The following AGPAT4 variants were observed in gnomAD, a reference collection of about 807,000 sequenced individuals.
AGPAT4 encodes 1-acyl-sn-glycerol-3-phosphate acyltransferase delta.
AGPAT4 carries 15 observed loss-of-function variants against 48.0 expected under a neutral mutation model. The observed-to-expected ratio is 0.31, with a 90% CI of 0.21 to 0.48. The LOEUF is 0.48. Ranked by LOEUF, AGPAT4 falls within the 20% of genes least tolerant of loss-of-function variation. AGPAT4 has a pLI of 0.99. For missense variants in AGPAT4, 314 were observed against 482.5 expected (o/e 0.65, Z 3.27); for synonymous variants, 178 against 198.7 (o/e 0.90, Z 0.88).
In AGPAT4 at chr6:161,201,721, G is replaced by A. The variant is rs1781244550; in HGVS notation, c.178+30315C>T. 6.6e-6 allele frequency among the ~76,000 whole-genome samples: 1 copy of A among 152,174 alleles called. No homozygotes were observed. Among genetic ancestry groups the A allele is most frequent in the Non-Finnish European group, 1.5e-5 (1 of 68,036 alleles). On this transcript the variant is annotated intron_variant, in intron 2 of 8. Transcript: ENST00000320285. The surrounding 1 kb of genome is among the most constrained non-coding windows in gnomAD (Gnocchi z 6.0). ...GCTGAGGCTGACTTCAAAAGATAGGGGTAGGTAAATTACTGTGGCCCAACT... is the reference window on the plus strand; with the variant it reads ...GCTGAGGCTGACTTCAAAAGATAGGAGTAGGTAAATTACTGTGGCCCAACT...
chr6:161,233,157 C>A lies in AGPAT4; in HGVS notation c.-89-855G>T, dbSNP rs1782175127. Among the ~76,000 whole-genome samples the A allele has an allele frequency of 4.6e-5, 7 of 150,584 alleles. No homozygotes were observed. In the South Asian group the frequency reaches 1.5e-3, roughly 32 times the overall value. ...CACACACACACACAGATACACACAT[C>A]CTTAAGTGTTCTCAAATCAGAAAGA... On this transcript the variant is annotated intron_variant, in intron 1 of 8. Transcript: ENST00000320285. The surrounding 1 kb of genome is among the most constrained non-coding windows in gnomAD (Gnocchi z 5.4).
chr6:161,178,343 C>G lies in AGPAT4; in HGVS notation c.179-11926G>C, dbSNP rs547144709. 4.6e-5 allele frequency among the ~76,000 whole-genome samples: 7 copies of G among 152,358 alleles called. No individual in the cohort carries two copies. Among genetic ancestry groups the G allele is most frequent in the Middle Eastern group, 3.4e-3 (1 of 294 alleles). ...CAAGCCTCAGCAATGGCGGATGCCCCTCCCCGAACCTCGCTGCCGCCTTGC... is the reference window on the plus strand; with the variant it reads ...CAAGCCTCAGCAATGGCGGATGCCCGTCCCCGAACCTCGCTGCCGCCTTGC... On this transcript the variant is annotated intron_variant, in intron 2 of 8. Coordinates refer to ENST00000320285, the MANE Select transcript of AGPAT4 (RefSeq NM_020133.3). This position sits in a 1 kb window ranked among gnomAD's most constrained non-coding sequence, Gnocchi z 5.1.
chr6:161,141,427 G>A lies in AGPAT4; in HGVS notation c.844-1807C>T, dbSNP rs1313873553. On this transcript the variant is annotated intron_variant, in intron 7 of 8. Transcript: ENST00000320285. This position sits in a 1 kb window ranked among gnomAD's most constrained non-coding sequence, Gnocchi z 6.7. ...AAGGAGGTGAGCACCATGACGGTCAGCAGCACAGGCAATGCCCAGAGAGGT... is the reference window on the plus strand; with the variant it reads ...AAGGAGGTGAGCACCATGACGGTCAACAGCACAGGCAATGCCCAGAGAGGT... 1.3e-5 allele frequency among the ~76,000 whole-genome samples: 2 copies of A among 152,140 alleles called. No homozygotes were observed.
At chr6:161,247,634 T>C (rs1782690640) in intron 1 of AGPAT4, among the ~76,000 whole-genome samples, 1 of 152,156 alleles carries the variant, frequency 6.6e-6, no homozygotes, top group Non-Finnish European at 1.5e-5. Flanking sequence ...GCATTCCCCC[T>C]GAAAACTGGC....
In AGPAT4 at chr6:161,139,053, T is replaced by C. The variant is rs1289933104; in HGVS notation, c.1042+369A>G. Among the ~76,000 whole-genome samples, 1 of 152,182 alleles carries C rather than the reference T, an allele frequency of 6.6e-6. No individual in the cohort carries two copies. The highest frequency in any genetic ancestry group is 1.5e-5 in the Non-Finnish European group (1 of 68,032). ...AGCTGCCCATCCGTCCCCGCCAGGC[T>C]CCAGCACAGGGCTTTCTTCAGAAGC... On this transcript the variant is annotated intron_variant, in intron 8 of 8. Coordinates refer to ENST00000320285, the MANE Select transcript of AGPAT4 (RefSeq NM_020133.3). The surrounding 1 kb of genome is among the most constrained non-coding windows in gnomAD (Gnocchi z 9.1).
rs1782622042 is a variant in AGPAT4, at chr6:161,245,473, A to G, written c.-89-13171T>C. 6.6e-6 allele frequency among the ~76,000 whole-genome samples: 1 copy of G among 152,198 alleles called. No homozygotes were observed. Among genetic ancestry groups the G allele is most frequent in the Admixed American group, 6.5e-5 (1 of 15,284 alleles). Reference sequence around the variant, plus strand: ...GATTCATGGAAACTAACGTGGCATTAAGCACCCTAGAGGGATCGCCAGGAG... The same window carrying G: ...GATTCATGGAAACTAACGTGGCATTGAGCACCCTAGAGGGATCGCCAGGAG... On this transcript the variant is annotated intron_variant, in intron 1 of 8. Coordinates refer to ENST00000320285, the MANE Select transcript of AGPAT4 (RefSeq NM_020133.3). This position sits in a 1 kb window ranked among gnomAD's most constrained non-coding sequence, Gnocchi z 5.2.
rs1015088373 is a variant in AGPAT4 at position 161,143,227 on chromosome 6, T to G, written c.843+3297A>C. On this transcript the variant is annotated intron_variant, in intron 7 of 8. Transcript: ENST00000320285. The surrounding 1 kb of genome is among the most constrained non-coding windows in gnomAD (Gnocchi z 4.7). ...AGCTGGGACTACAGGTGTGTACCGC[T>G]AGGTGCAGCTAGTTTGTAAAATTTT... Among the ~76,000 whole-genome samples, 1 of 152,148 alleles carries G rather than the reference T, an allele frequency of 6.6e-6. No homozygotes were observed. The highest frequency in any genetic ancestry group is 2.4e-5 in the African/African-American group (1 of 41,422).
Position 161,233,352 on chromosome 6 carries a change from T to A in AGPAT4, c.-89-1050A>T, listed in dbSNP as rs1466403868. 1.3e-5 allele frequency among the ~76,000 whole-genome samples: 2 copies of A among 152,320 alleles called. No individual in the cohort carries two copies. The highest frequency in any genetic ancestry group is 3.9e-4 in the East Asian group (2 of 5,190). ...GGAAAGCTGTGAGCAGCGGACTCGC[T>A]TTTCCTGGAAGCAGAAGAGCCTGGC... is the stretch of plus-strand genomic sequence containing the variant. On this transcript the variant is annotated intron_variant, in intron 1 of 8. Transcript: ENST00000320285. The surrounding 1 kb of genome is among the most constrained non-coding windows in gnomAD (Gnocchi z 5.4).
Position 161,139,388 on chromosome 6 carries a change from G to T in AGPAT4, c.1042+34C>A, listed in dbSNP as rs778733418. 1 of 1,609,860 alleles carries T rather than the reference G, an allele frequency of 6.2e-7. No individual in the cohort carries two copies. Among genetic ancestry groups the T allele is most frequent in the Admixed American group, 1.7e-5 (1 of 59,910 alleles). On this transcript the variant is annotated intron_variant, in intron 8 of 8. Coordinates refer to ENST00000320285, the MANE Select transcript of AGPAT4 (RefSeq NM_020133.3). The surrounding 1 kb of genome is among the most constrained non-coding windows in gnomAD (Gnocchi z 9.1). ...ATGCCACCTCTCCCAGGGTGGTGCT[G>T]TCAGCACCCACCAGCCCCTTGCCCT...
intron 3 of AGPAT4, among the ~76,000 whole-genome samples, chr6:161,163,370 A>G (rs1245972612): frequency 1.3e-5 from 2 of 152,236 alleles, no homozygotes; most frequent in East Asian, 3.8e-4. Context: ...TGTGTTATTT[A>G]AGAAAAAACA....
chr6:161,253,146 G>A (rs1782849162), intron 1 of AGPAT4, among the ~76,000 whole-genome samples: 1 of 151,192 alleles, frequency 6.6e-6, no homozygotes, highest in Non-Finnish European at 1.5e-5. Flanking sequence ...CCCGGAGGTG[G>A]AGGTTGCAGT....
Position 161,217,823 on chromosome 6 carries a change from C to T in AGPAT4, c.178+14213G>A, listed in dbSNP as rs1333729495. Reference sequence around the variant, plus strand: ...CCCAGGCCACTGCCCTGGGACAGGACTCACAGGCAGCACAGCTGGTGCCTC... The same window carrying T: ...CCCAGGCCACTGCCCTGGGACAGGATTCACAGGCAGCACAGCTGGTGCCTC... On this transcript the variant is annotated intron_variant, in intron 2 of 8. Transcript: ENST00000320285. The surrounding 1 kb of genome is among the most constrained non-coding windows in gnomAD (Gnocchi z 4.9). 6.6e-6 allele frequency among the ~76,000 whole-genome samples: 1 copy of T among 152,126 alleles called. No individual in the cohort carries two copies. The highest frequency in any genetic ancestry group is 2.4e-5 in the African/African-American group (1 of 41,354).
chr6:161,162,933 C>T (rs929044756), intron 3 of AGPAT4, among the ~76,000 whole-genome samples: 1 of 152,200 alleles, frequency 6.6e-6, no homozygotes, highest in African/African-American at 2.4e-5. Context: ...ACCTTAGTGA[C>T]CTGTGCCCCA....
Position 161,243,958 on chromosome 6 carries a change from C to A in AGPAT4, c.-89-11656G>T, listed in dbSNP as rs1321617976. On this transcript the variant is annotated intron_variant, in intron 1 of 8. Transcript: ENST00000320285. This position sits in a 1 kb window ranked among gnomAD's most constrained non-coding sequence, Gnocchi z 4.8. ...ATTCCCAGCCCAGAGGAAGGCAGTT[C>A]AAAGTCATTGGTTTTGAGGCTCTCT... Among the ~76,000 whole-genome samples, 4 of 152,196 alleles carry A rather than the reference C, an allele frequency of 2.6e-5. No homozygotes were observed. The highest frequency in any genetic ancestry group is 5.9e-5 in the Non-Finnish European group (4 of 68,040).
In AGPAT4 at chr6:161,131,808, A is replaced by G. The variant is rs1778908937; in HGVS notation, c.*4732T>C. 6.6e-6 allele frequency: 1 copy of G among 152,254 alleles called. No homozygotes were observed. The highest frequency in any genetic ancestry group is 1.5e-5 in the Non-Finnish European group (1 of 68,046). The allele number at this position is 152,254 out of a possible 1,614,324, so 9.4% of individuals were successfully genotyped here. A position where few individuals can be genotyped will look rare whatever the true frequency, so the allele number is the denominator to read the frequency against. The stretch of plus-strand genomic sequence containing the variant: ...GTCCTGGACCAAGAGGAACAGCAAC[A>G]TGTCCTTAGTCCTCAGCCTAAGAAG... On this transcript the variant is annotated 3_prime_UTR_variant, in exon 9 of 9. Transcript: ENST00000320285.
At chr6:161,207,649 G>A (rs1313159707) in intron 2 of AGPAT4, among the ~76,000 whole-genome samples, 2 of 152,138 alleles carry the variant, frequency 1.3e-5, no homozygotes, top group Middle Eastern at 3.2e-3. Flanking sequence ...GTAAACCACC[G>A]CCATAAAAAG....
rs1030312677 is a variant in AGPAT4 at position 161,272,302 on chromosome 6, G to A, written c.-90+1636C>T. On this transcript the variant is annotated intron_variant, in intron 1 of 8. Transcript: ENST00000320285. The surrounding 1 kb of genome is among the most constrained non-coding windows in gnomAD (Gnocchi z 4.2). Reference sequence around the variant, plus strand: ...AGTAATGATTTTGGCTTTAGCAGCCGGAAGGTATGAGGGCTAAGTGACCTT... The same window carrying A: ...AGTAATGATTTTGGCTTTAGCAGCCAGAAGGTATGAGGGCTAAGTGACCTT... Among the ~76,000 whole-genome samples, 1 of 152,090 alleles carries A rather than the reference G, an allele frequency of 6.6e-6. No individual in the cohort carries two copies. The highest frequency in any genetic ancestry group is 1.5e-5 in the Non-Finnish European group (1 of 68,008).
chr6:161,267,081 C>T lies in AGPAT4; in HGVS notation c.-90+6857G>A, dbSNP rs147514283. Among the ~76,000 whole-genome samples the T allele has an allele frequency of 1.3e-3, 203 of 152,318 alleles. No individual in the cohort carries two copies. Among genetic ancestry groups the T allele is most frequent in the Non-Finnish European group, 2.5e-3 (171 of 68,032 alleles). Reference sequence around the variant, plus strand: ...GCCTTGGGAACTCTGAGAGCAGCCACCACAGGTGTCCTTGAGAGCAGCTGC... The same window carrying T: ...GCCTTGGGAACTCTGAGAGCAGCCATCACAGGTGTCCTTGAGAGCAGCTGC... On this transcript the variant is annotated intron_variant, in intron 1 of 8. Transcript: ENST00000320285. The surrounding 1 kb of genome is among the most constrained non-coding windows in gnomAD (Gnocchi z 5.2).
In AGPAT4 at chr6:161,182,410, C is replaced by T. The variant is rs1457104081; in HGVS notation, c.179-15993G>A. On this transcript the variant is annotated intron_variant, in intron 2 of 8. Transcript: ENST00000320285. ...CCCTCACCCCAGCCCTGCATCCCAG[C>T]CTCTCACCCTATCCCCTCACCCCAG... Among the ~76,000 whole-genome samples, 8 of 144,754 alleles carry T rather than the reference C, an allele frequency of 5.5e-5. No homozygotes were observed. In the South Asian group the frequency reaches 6.8e-4, roughly 12 times the overall value. The allele number at this position is 144,754 out of a possible 152,430, so 95.0% of individuals were successfully genotyped here.
Sources: allele counts gnomAD v4.1 joint callset (sites outside exome capture counted in the v4.1 genomes callset), GRCh38; gene constraint gnomAD v4.1.1; non-coding constraint Gnocchi (gnomAD v3.1); transcripts MANE v1.5; gene names NCBI Gene and HGNC (gene_info 2026-07-23, HGNC 2026-07-21).